Variants in SDK1 observed in about 807,000 individuals in gnomAD.
The protein encoded by SDK1 is sidekick cell adhesion molecule 1.
SDK1 carries 157 observed loss-of-function variants against 245.5 expected under a neutral mutation model. The observed-to-expected ratio is 0.64, with a 90% CI of 0.56 to 0.73. The LOEUF is 0.73. Among genes scored for constraint, SDK1 ranks in the 30% least tolerant of loss-of-function variants. The pLI is 0.00. For missense variants in SDK1, 3,583 were observed against 3,002.3 expected, an observed-to-expected ratio of 1.19 and a Z score of -4.52; for synonymous variants, 1,647 against 1,278.5, an observed-to-expected ratio of 1.29 and a Z score of -6.15.
intron 4 of SDK1, among the ~76,000 whole-genome samples, chr7:3,779,776 C>G (rs1051528907): frequency 1.3e-5 from 2 of 151,304 alleles, no homozygotes; most frequent in South Asian, 4.2e-4. Flanking sequence ...ACTGGAAATA[C>G]AAAAAATTAG....
chr7:3,391,260 A>G (rs1456364064), intron 1 of SDK1, among the ~76,000 whole-genome samples: 2 of 152,208 alleles, frequency 1.3e-5, no homozygotes, highest in Non-Finnish European at 2.9e-5. Flanking sequence ...GATAGACTCC[A>G]TAGAAGTCAA....
At chr7:3,903,490 T>C (rs1475042593) in intron 5 of SDK1, among the ~76,000 whole-genome samples, 1 of 152,046 alleles carries the variant, frequency 6.6e-6, no homozygotes, top group Admixed American at 6.5e-5. Flanking sequence ...TGGCAAGAAG[T>C]AGATACATTT....
intron 4 of SDK1, among the ~76,000 whole-genome samples, chr7:3,803,272 T>C (rs1334305339): frequency 6.6e-6 from 1 of 152,036 alleles, no homozygotes; most frequent in South Asian, 2.1e-4. Flanking sequence ...CTTGTTGTAC[T>C]CTGCCCATTT....
rs775090175 is a variant in SDK1, at chr7:4,248,790, C to T, written c.6381+2985C>T. On this transcript the variant is annotated intron_variant, in intron 44 of 44. Coordinates refer to ENST00000404826, the MANE Select transcript of SDK1 (RefSeq NM_152744.4). ...CATACATCATATACTCATACATATACCTACATACCTAAACACATGCACACA... is the reference window on the plus strand; with the variant it reads ...CATACATCATATACTCATACATATATCTACATACCTAAACACATGCACACA... 2.2e-4 allele frequency among the ~76,000 whole-genome samples: 34 copies of T among 151,972 alleles called. 1 individual carries two copies. The highest frequency in any genetic ancestry group is 4.1e-4 in the Non-Finnish European group (28 of 67,986).
At chr7:3,982,123 T>A (rs796434110) in intron 13 of SDK1, among the ~76,000 whole-genome samples, 44 of 152,346 alleles carry the variant, frequency 2.9e-4, no homozygotes, top group African/African-American at 8.4e-4. Flanking sequence ...GCTGAAAATC[T>A]TAGGGCTCTT....
In SDK1 at chr7:3,516,841, T is replaced by A. The variant is rs549449967; in HGVS notation, c.299-102239T>A. Among the ~76,000 whole-genome samples the A allele has an allele frequency of 9.1e-4, 138 of 152,250 alleles. 1 individual carries two copies. The highest frequency in any genetic ancestry group is 3.2e-3 in the African/African-American group (131 of 41,554). ...AGGAACGCACTCACTTAAGAATTCA[T>A]TAACTGTAATAGACTTTATCACCCA... On this transcript the variant is annotated intron_variant, in intron 1 of 44. Transcript: ENST00000404826.
intron 44 of SDK1, among the ~76,000 whole-genome samples, chr7:4,249,020 C>A (rs930095875): frequency 6.6e-6 from 1 of 151,882 alleles, no homozygotes; most frequent in African/African-American, 2.4e-5. Flanking sequence ...TACACACATG[C>A]ACACATGCCT....
intron 5 of SDK1, among the ~76,000 whole-genome samples, chr7:3,884,657 A>G (rs554240019): frequency 1.3e-5 from 2 of 152,300 alleles, no homozygotes; most frequent in South Asian, 4.1e-4. Context: ...CTGGAGGCTG[A>G]GGGCAAGTGC....
intron 22 of SDK1, among the ~76,000 whole-genome samples, chr7:4,079,872 G>C (rs1780944444): frequency 6.6e-6 from 1 of 152,210 alleles, no homozygotes. Context: ...GTCGTTGATT[G>C]AGTTTTTAAA....
chr7:3,494,212 T>A (rs1386483539), intron 1 of SDK1, among the ~76,000 whole-genome samples: 1 of 151,428 alleles, frequency 6.6e-6, no homozygotes, highest in Non-Finnish European at 1.5e-5. Context: ...TTTAGGAGCT[T>A]TTATTTTGAG....
intron 1 of SDK1, among the ~76,000 whole-genome samples, chr7:3,310,960 G>T (rs1228969829): frequency 6.6e-6 from 1 of 152,140 alleles, no homozygotes; most frequent in Non-Finnish European, 1.5e-5. Flanking sequence ...TGTTTTTATC[G>T]CATTACCAAG....
chr7:4,098,652 A>T (rs1253356988), intron 22 of SDK1, among the ~76,000 whole-genome samples: 2 of 151,404 alleles, frequency 1.3e-5, no homozygotes, highest in Non-Finnish European at 2.9e-5. Flanking sequence ...GAGGATGGAA[A>T]TGTACTCGGT....
At chr7:3,772,080 T>C (rs1447883808) in intron 4 of SDK1, among the ~76,000 whole-genome samples, 1 of 152,224 alleles carries the variant, frequency 6.6e-6, no homozygotes, top group Non-Finnish European at 1.5e-5. Context: ...CTGAAGCCTG[T>C]GTCAGACTTT....
chr7:3,587,568 GA>G (rs1375681951), intron 1 of SDK1, among the ~76,000 whole-genome samples: 1 of 152,198 alleles, frequency 6.6e-6, no homozygotes, highest in East Asian at 1.9e-4. Flanking sequence ...AAGGCAGTGT[GA>G]ATCCAACTTT....
intron 30 of SDK1, among the ~76,000 whole-genome samples, chr7:4,157,165 C>T (rs910726916): frequency 1.3e-5 from 2 of 151,916 alleles, no homozygotes; most frequent in East Asian, 1.9e-4. Flanking sequence ...ATTGTCTGCA[C>T]GGAAGAGTTT....
intron 1 of SDK1, among the ~76,000 whole-genome samples, chr7:3,488,773 C>A (rs1197758424): frequency 6.6e-6 from 1 of 152,174 alleles, no homozygotes; most frequent in African/African-American, 2.4e-5. Context: ...ACATTCAATT[C>A]TTCCCTACTC....
chr7:3,382,657 A>G (rs1364811298), intron 1 of SDK1, among the ~76,000 whole-genome samples: 1 of 152,306 alleles, frequency 6.6e-6, no homozygotes, highest in South Asian at 2.1e-4. Flanking sequence ...ACTTTAAATG[A>G]GTATGTTTGA....
At chr7:3,960,433 A>G (rs1278811547) in intron 8 of SDK1, among the ~76,000 whole-genome samples, 2 of 152,220 alleles carry the variant, frequency 1.3e-5, no homozygotes, top group Admixed American at 6.5e-5. Flanking sequence ...AACAAATGCC[A>G]TTTGTCCATA....
intron 4 of SDK1, among the ~76,000 whole-genome samples, chr7:3,656,099 C>G (rs574832151): frequency 6.6e-6 from 1 of 152,158 alleles, no homozygotes; most frequent in Non-Finnish European, 1.5e-5. Context: ...AGCTGTTTCT[C>G]AGCTCATTTG....
Sources: allele counts gnomAD v4.1 joint callset (sites outside exome capture counted in the v4.1 genomes callset), GRCh38; gene constraint gnomAD v4.1.1; transcripts MANE v1.5; gene names NCBI Gene and HGNC (gene_info 2026-07-23, HGNC 2026-07-21).